The following ADGRD1 variants were observed in gnomAD, a reference collection of about 807,000 sequenced individuals.
ADGRD1 encodes G-protein coupled receptor 133.
Under a neutral mutation model 113.4 loss-of-function variants are expected in ADGRD1, and 77 were observed. The observed-to-expected ratio is 0.68, with a 90% CI of 0.57 to 0.82. The LOEUF is 0.82. ADGRD1 is among the 40% of genes least tolerant of loss of function. The pLI, the probability that ADGRD1 is intolerant of heterozygous loss-of-function variation, is 0.00. For missense variants in ADGRD1, 1,036 were observed against 1,139.1 expected (o/e 0.91, Z 1.30); for synonymous variants, 474 against 475.0 (o/e 1.00, Z 0.03).
chr12:131,088,177 G>A (rs772328593), intron 15 of ADGRD1, among the ~76,000 whole-genome samples: 4 of 151,766 alleles, frequency 2.6e-5, no homozygotes, highest in Non-Finnish European at 4.4e-5. Flanking sequence ...AAGGCTGCTC[G>A]TCTTACCAGC....
At chr12:130,986,773 A>C (rs1873742016) in intron 5 of ADGRD1, 1 of 319,798 alleles carries the variant, frequency 3.1e-6, no homozygotes, top group African/African-American at 2.1e-5. Context: ...ATTGGTTGGC[A>C]CTTGTGCCCT....
chr12:131,038,731 G>A (rs1401560682), intron 13 of ADGRD1, among the ~76,000 whole-genome samples: 1 of 152,214 alleles, frequency 6.6e-6, no homozygotes, highest in African/African-American at 2.4e-5. Flanking sequence ...TGAGGGGGAC[G>A]GCAGTGACAG....
rs555109295 is a variant in ADGRD1, at chr12:131,073,744, G to A, written c.1474-3057G>A. On this transcript the variant is annotated intron_variant, in intron 13 of 24. Transcript: ENST00000261654. ...ACACCTTGTGCTGCTTCACCTCTTG[G>A]TGGAAAAGGGAAAGGAAAGCCAGTG... Among the ~76,000 whole-genome samples the A allele has an allele frequency of 1.1e-4, 17 of 152,330 alleles. No homozygotes were observed. The South Asian group carries it at 2.9e-3, about 26-fold the overall frequency.
intron 16 of ADGRD1, 61 bp downstream of exon 16, chr12:131,104,995 A>C: frequency 3.1e-5 from 36 of 1,163,768 alleles, no homozygotes; most frequent in Non-Finnish European, 4.2e-5. Flanking sequence ...CCCAGATCTC[A>C]AGATGGAAGA....
intron 15 of ADGRD1, among the ~76,000 whole-genome samples, chr12:131,092,680 G>A (rs1886991126): frequency 6.6e-6 from 1 of 152,120 alleles, no homozygotes; most frequent in Non-Finnish European, 1.5e-5. Context: ...AGGAGCACCT[G>A]GGAATGCCAG....
At chr12:131,091,646 C>T (rs1569019) in intron 15 of ADGRD1, among the ~76,000 whole-genome samples, 2 of 152,148 alleles carry the variant, frequency 1.3e-5, no homozygotes, top group African/African-American at 4.8e-5. Context: ...ACATTTGTAT[C>T]TTGGTATGTG....
Position 131,140,419 on chromosome 12 carries a change from A to T in ADGRD1, c.*1156A>T, listed in dbSNP as rs1021794498. 1.8e-4 allele frequency: 28 copies of T among 152,146 alleles called. No individual in the cohort carries two copies. The highest frequency in any genetic ancestry group is 6.5e-4 in the African/African-American group (27 of 41,512). 9.4% of individuals were successfully genotyped at this position (152,146 alleles called of 1,614,324 possible). A position where few individuals can be genotyped will look rare whatever the true frequency, so the allele number is the denominator to read the frequency against. On this transcript the variant is annotated 3_prime_UTR_variant, in exon 25 of 25. Coordinates refer to ENST00000261654, the MANE Select transcript of ADGRD1 (RefSeq NM_198827.5). ...CCCCAGAGGAGATGGGATAATTGTT[A>T]TGGACCCATGTGTGGGCATGATCCT...
At chr12:130,982,800 G>A (rs565511980) in intron 5 of ADGRD1, among the ~76,000 whole-genome samples, 2 of 152,238 alleles carry the variant, frequency 1.3e-5, no homozygotes, top group South Asian at 2.1e-4. Context: ...AGAGGCTGAC[G>A]AAGGTCTGAA....
chr12:131,124,173 G>A (rs1481494507), intron 20 of ADGRD1, among the ~76,000 whole-genome samples: 1 of 152,186 alleles, frequency 6.6e-6, no homozygotes, highest in Non-Finnish European at 1.5e-5. Context: ...CAGGGTTTGT[G>A]CCATCTGGGC....
intron 9 of ADGRD1, among the ~76,000 whole-genome samples, chr12:131,002,071 A>C (rs1241416248): frequency 6.6e-6 from 1 of 152,212 alleles, no homozygotes; most frequent in Non-Finnish European, 1.5e-5. Context: ...CCTTTTTAAA[A>C]GGTTTGACCT....
chr12:130,996,860 G>C (rs868352044), intron 8 of ADGRD1, among the ~76,000 whole-genome samples: 1 of 119,074 alleles, frequency 8.4e-6, no homozygotes, highest in African/African-American at 3.4e-5. Context: ...CCTCCCGGAC[G>C]GGGTGGCTGG....
intron 8 of ADGRD1, among the ~76,000 whole-genome samples, chr12:130,997,135 G>A (rs1194685387): frequency 7.4e-6 from 1 of 134,682 alleles, no homozygotes; most frequent in East Asian, 2.3e-4. Context: ...CCGGGCGGGG[G>A]GCTGATCCCC....
At chr12:131,093,328 T>A (rs1388213511) in intron 15 of ADGRD1, among the ~76,000 whole-genome samples, 1 of 152,164 alleles carries the variant, frequency 6.6e-6, no homozygotes. Context: ...CAGGCTTTTC[T>A]GGGCATTTCT....
chr12:131,037,172 C>A (rs1210062369), intron 13 of ADGRD1, among the ~76,000 whole-genome samples: 2 of 139,144 alleles, frequency 1.4e-5, no homozygotes, highest in Admixed American at 7.3e-5. Flanking sequence ...ACTCACTGTC[C>A]CAGGCCTTAC....
chr12:130,981,596 T>C (rs4759819), intron 4 of ADGRD1, among the ~76,000 whole-genome samples: 142,900 of 152,160 alleles, frequency 0.94, 67,612 homozygotes, highest in East Asian at 1. Context: ...CTTGAGTGAA[T>C]GAGCCTCAGT....
At chr12:131,068,529 C>T (rs1884904054) in intron 13 of ADGRD1, among the ~76,000 whole-genome samples, 2 of 152,142 alleles carry the variant, frequency 1.3e-5, no homozygotes, top group Non-Finnish European at 2.9e-5. Context: ...CTGTTTGACT[C>T]CGCACTGATT....
chr12:131,108,039 G>A (rs1049087634), intron 17 of ADGRD1, among the ~76,000 whole-genome samples: 2 of 152,158 alleles, frequency 1.3e-5, no homozygotes, highest in Non-Finnish European at 2.9e-5. Context: ...ATCTGAGGCT[G>A]CACTGTGCAG....
rs562172248 is a variant in ADGRD1, at chr12:131,139,595, A to G, written c.*332A>G. 2.9e-5 allele frequency: 7 copies of G among 245,062 alleles called. No homozygotes were observed. The highest frequency in any genetic ancestry group is 5.7e-5 in the Non-Finnish European group (7 of 123,192). 15.2% of individuals were successfully genotyped at this position (245,062 alleles called of 1,614,324 possible). ...ACTCAGCATCAGACCCAGCGAGGCC[A>G]GGACACTCGGGGCCGGTCCCGCAGC... On this transcript the variant is annotated 3_prime_UTR_variant, in exon 25 of 25. Coordinates refer to ENST00000261654, the MANE Select transcript of ADGRD1 (RefSeq NM_198827.5).
chr12:130,990,946 G>T, intron 6 of ADGRD1, 68 bp from the exon 7 acceptor site: 1 of 1,225,562 alleles, frequency 8.2e-7, no homozygotes, highest in South Asian at 1.2e-5. Context: ...TTTTAACAAG[G>T]ACAGGTCTTC....
Sources: gnomAD v4.1 joint callset for allele counts (sites outside exome capture counted in the v4.1 genomes callset) on GRCh38, gnomAD v4.1.1 for gene constraint, MANE v1.5 for transcripts, NCBI Gene and HGNC (gene_info 2026-07-23, HGNC 2026-07-21) for gene names.